The following IFT172 variants were observed in gnomAD, a reference collection of about 807,000 sequenced individuals.
IFT172 encodes intraflagellar transport 172, also known as intraflagellar transport protein 172 homolog.
Under a neutral mutation model 248.9 loss-of-function variants are expected in IFT172, and 164 were observed. The observed-to-expected ratio is 0.66, with a 90% CI of 0.58 to 0.75. The LOEUF is 0.75. IFT172 is among the 30% of genes least tolerant of loss of function. The pLI is 0.00. For synonymous variants in IFT172, 729 were observed against 791.6 expected (o/e 0.92, Z 1.33); for missense variants, 1,950 against 2,192.4 (o/e 0.89, Z 2.21).
At position 27,479,525 on chromosome 2, in the gene IFT172, T is replaced by A; in HGVS notation, c.989A>T (p.Tyr330Phe). Residue 330 changes from tyrosine to phenylalanine, a missense_variant, in exon 10 of 48, where the codon TAT (tyrosine) becomes TTT (phenylalanine). Physicochemically the swap from Tyr to Phe is conservative, Grantham distance 22. Around this residue, in one of 3 missense-constraint regions of IFT172, gnomAD observed 1,166 missense variants for 1,254.1 expected, o/e 0.93. Coordinates refer to ENST00000260570, the MANE Select transcript of IFT172 (RefSeq NM_015662.3). ...CCTGCTTACCTGGCTAGGTCCCACATACGTCAACTCAAACTTGTTCTTGTA... is the reference window on the plus strand; with the variant it reads ...CCTGCTTACCTGGCTAGGTCCCACAAACGTCAACTCAAACTTGTTCTTGTA... ...SIYKNKFELT[Y>F]VGPSQVIVKN... The A allele has an allele frequency of 3.7e-6, 6 of 1,608,900 alleles. No individual in the cohort carries two copies. The highest frequency in any genetic ancestry group is 2.2e-5 in the East Asian group (1 of 44,850).
rs772607856 is a variant in IFT172 at position 27,472,357 on chromosome 2, G to C, written c.1417C>G (p.Leu473Val). 5 of 1,613,192 alleles carry C rather than the reference G, an allele frequency of 3.1e-6. No individual in the cohort carries two copies. In the South Asian group the frequency reaches 3.3e-5, roughly 11 times the overall value. ...GTGCCAATGTTGTAGCCACCAATCA[G>C]ATCCACTATAGAATAAAGGAGACAG... The part of the protein sequence containing the change: ...IDIKTIAIVD[L>V]IGGYNIGTVS... The change falls in exon 15 of 48, where the codon CTG (leucine) becomes GTG (valine). Residue 473 changes from leucine to valine, a missense_variant. Physicochemically the swap from Leu to Val is conservative, Grantham distance 32 (BLOSUM62 1). Transcript: ENST00000260570.
At chr2:27,452,784 C>T (rs1665787493) in intron 35 of IFT172, among the ~76,000 whole-genome samples, 1 of 152,246 alleles carries the variant, frequency 6.6e-6, no homozygotes, top group African/African-American at 2.4e-5. Context: ...AGGCGTGAGC[C>T]ACCATGCCCA....
chr2:27,458,587 G>A (rs1666370615), intron 26 of IFT172, among the ~76,000 whole-genome samples, 192 bp downstream of exon 26: 1 of 152,174 alleles, frequency 6.6e-6, no homozygotes, highest in African/African-American at 2.4e-5. Context: ...ATGATAGATA[G>A]GTCTGGAAAC....
intron 23 of IFT172, among the ~76,000 whole-genome samples, 183 bp downstream of exon 23, chr2:27,460,832 C>T (rs535899677): frequency 4.2e-5 from 6 of 141,616 alleles, no homozygotes; most frequent in African/African-American, 1.6e-4. Flanking sequence ...GCTGGTTCCC[C>T]GGGTCCCCTT....
rs1042739179 is a variant in IFT172, at chr2:27,488,139, C to T, written c.39+1476G>A. On this transcript the variant is annotated intron_variant, in intron 1 of 47. Coordinates refer to ENST00000260570, the MANE Select transcript of IFT172 (RefSeq NM_015662.3). The stretch of plus-strand genomic sequence containing the variant: ...CTGGGCCTACAGGTGCTTGCCACCA[C>T]ACGAGGCTATTTAAAAAAAATTTTT... Among the ~76,000 whole-genome samples, 17 of 151,830 alleles carry T rather than the reference C, an allele frequency of 1.1e-4. No homozygotes were observed. The East Asian group carries it at 2.9e-3, about 26-fold the overall frequency.
At chr2:27,487,821 G>A (rs1011248434) in intron 1 of IFT172, among the ~76,000 whole-genome samples, 3 of 152,132 alleles carry the variant, frequency 2.0e-5, no homozygotes, top group African/African-American at 7.2e-5. Context: ...CTGACCTCGG[G>A]TGATCTGCCT....
rs114235369 is a variant in IFT172, at chr2:27,448,910, G to C, written c.4428+5C>G. 1,390 of 1,376,870 alleles carry C rather than the reference G, an allele frequency of 1.0e-3. 13 individuals carry two copies. In the African/African-American group the frequency reaches 0.017, roughly 17 times the overall value. 85.3% of individuals were successfully genotyped at this position (1,376,870 alleles called of 1,614,324 possible). A position where few individuals can be genotyped will look rare whatever the true frequency, so the allele number is the denominator to read the frequency against. ...AAACATTCAACCCAAGGAGAAGGCT[G>C]GTACCTGTGGGTTAGCAGGGGCTCC... On this transcript the variant is annotated splice_donor_5th_base_variant and intron_variant, in intron 40 of 47. Coordinates refer to ENST00000260570, the MANE Select transcript of IFT172 (RefSeq NM_015662.3).
intron 1 of IFT172, among the ~76,000 whole-genome samples, chr2:27,485,762 C>T (rs764996836): frequency 7.9e-5 from 12 of 152,224 alleles, no homozygotes; most frequent in Non-Finnish European, 2.9e-5. Context: ...CAATGAATCC[C>T]TGCAACGGCC....
Position 27,459,792 on chromosome 2 carries a change from C to T in IFT172, c.2559G>A (p.Val853=), listed in dbSNP as rs1666498343. 2 of 1,612,698 alleles carry T rather than the reference C, an allele frequency of 1.2e-6. No homozygotes were observed. Among genetic ancestry groups the T allele is most frequent in the African/African-American group, 1.3e-5 (1 of 74,906 alleles). Residue 853 remains valine (V), a synonymous_variant, in exon 24 of 48, where the codon GTG becomes GTA. Transcript: ENST00000260570. Reference sequence around the variant, plus strand: ...CCCCCCATGCCTCCTCTAGTTTCACCACCTCCACTGGGAAGGCCAATCGAG... The same window carrying T: ...CCCCCCATGCCTCCTCTAGTTTCACTACCTCCACTGGGAAGGCCAATCGAG... ...ELARLAFPVE[V]VKLEEAWGDH...
chr2:27,476,437 C>T (rs570672085), intron 14 of IFT172, among the ~76,000 whole-genome samples: 32 of 152,186 alleles, frequency 2.1e-4, no homozygotes, highest in Non-Finnish European at 4.0e-4. Flanking sequence ...CTGGACTGAA[C>T]CTTTGTTTTT....
Position 27,485,081 on chromosome 2 carries a change from G to T in IFT172, c.233C>A (p.Ser78Tyr). 6.2e-7 allele frequency: 1 copy of T among 1,610,490 alleles called. No individual in the cohort carries two copies. Among genetic ancestry groups the T allele is most frequent in the Non-Finnish European group, 8.5e-7 (1 of 1,177,392 alleles). The change falls in exon 3 of 48, where the codon TCC (serine) becomes TAC (tyrosine). Residue 78 changes from serine to tyrosine, a missense_variant. Ser to Tyr is a moderately radical substitution (Grantham distance 144). Transcript: ENST00000260570. ...AGTCTGTCCTATGGCAATTTTAGTG[G>T]AATCAGGAGAAAAAGCCATGCCCTT... ...MVKGMAFSPD[S>Y]TKIAIGQTDN... is the part of the protein sequence containing the mutation.
At position 27,484,285 on chromosome 2, in the gene IFT172, G is replaced by A. The variant is rs1339772652; in HGVS notation, c.297-19C>T. 6.2e-7 allele frequency: 1 copy of A among 1,613,370 alleles called. No individual in the cohort carries two copies. Among genetic ancestry groups the A allele is most frequent in the Non-Finnish European group, 8.5e-7 (1 of 1,179,540 alleles). ...GTCACCCCTGCCAAACAAAAGAAGGGGAAACATATTAAAAACCACTTCCAG... is the reference window on the plus strand; with the variant it reads ...GTCACCCCTGCCAAACAAAAGAAGGAGAAACATATTAAAAACCACTTCCAG... On this transcript the variant is annotated intron_variant, in intron 3 of 47. Transcript: ENST00000260570.
At chr2:27,466,331 G>GA (rs555365498) in intron 16 of IFT172, among the ~76,000 whole-genome samples, 1 of 151,848 alleles carries the variant, frequency 6.6e-6, no homozygotes, top group Non-Finnish European at 1.5e-5. Flanking sequence ...TCCTGAGCAA[G>GA]AAAAAAAAGA....
chr2:27,489,396 G>A (rs1669000929), intron 1 of IFT172, among the ~76,000 whole-genome samples: 1 of 152,204 alleles, frequency 6.6e-6, no homozygotes, highest in South Asian at 2.1e-4. Context: ...CATGGGGCCT[G>A]TACACAACTG....
chr2:27,458,204 C>T lies in IFT172; in HGVS notation c.2897G>A (p.Arg966Lys). 6.2e-7 allele frequency: 1 copy of T among 1,614,166 alleles called. No individual in the cohort carries two copies. Among genetic ancestry groups the T allele is most frequent in the Non-Finnish European group, 8.5e-7 (1 of 1,180,000 alleles). Residue 966 changes from arginine (R) to lysine (K), a missense_variant, in exon 27 of 48, where the codon AGA (arginine) becomes AAA (lysine). Around this residue, in one of 3 missense-constraint regions of IFT172, gnomAD observed 1,166 missense variants for 1,254.1 expected, o/e 0.93. Coordinates refer to ENST00000260570, the MANE Select transcript of IFT172 (RefSeq NM_015662.3). ...GTATAGCACTGACACATCTTCTGGTCTCATGCATTTCATCGCCAGCTGTGG... is the reference window on the plus strand; with the variant it reads ...GTATAGCACTGACACATCTTCTGGTTTCATGCATTTCATCGCCAGCTGTGG... The part of the protein sequence containing the change: ...QAHKLAMKCM[R>K]PEDVSVLYIT...
intron 42 of IFT172, 139 bp from the exon 43 acceptor site, chr2:27,446,494 C>G (rs1665113624): frequency 1.5e-6 from 1 of 681,206 alleles, no homozygotes; most frequent in African/African-American, 2.5e-5. Context: ...TGTTCTGGGT[C>G]TTAGTTTTTT....
chr2:27,467,784 A>G (rs1358195022), intron 16 of IFT172, among the ~76,000 whole-genome samples: 1 of 152,170 alleles, frequency 6.6e-6, no homozygotes, highest in Non-Finnish European at 1.5e-5. Context: ...CAAAGAGATA[A>G]TAACTAAGAA....
chr2:27,486,323 T>A (rs1370925450), intron 1 of IFT172: 1 of 167,088 alleles, frequency 6.0e-6, no homozygotes, highest in African/African-American at 2.4e-5. Context: ...ATAATCCCAC[T>A]TTCTTTTCTT....
At chr2:27,465,719 C>T (rs1453067044) in intron 17 of IFT172, 27 bp downstream of exon 17, 1 of 1,613,768 alleles carries the variant, frequency 6.2e-7, no homozygotes, top group African/African-American at 1.3e-5. Flanking sequence ...CTCCCACCAC[C>T]TCACTGGTTA....
Sources: allele counts gnomAD v4.1 joint callset (sites outside exome capture counted in the v4.1 genomes callset), GRCh38; gene constraint gnomAD v4.1.1; regional missense constraint gnomAD v4.1.1; transcripts MANE v1.5; gene names NCBI Gene and HGNC (gene_info 2026-07-23, HGNC 2026-07-21).